The following COL9A1 variants were observed in gnomAD, a reference collection of about 807,000 sequenced individuals.
COL9A1 encodes collagen type IX alpha 1 chain.
In COL9A1, 104 loss-of-function variants were observed where a neutral mutation model predicts 142.6. The ratio of observed to expected loss-of-function variants is 0.73; its 90% confidence interval spans 0.62 to 0.86. COL9A1 has a LOEUF of 0.86. Among genes scored for constraint, COL9A1 ranks in the 40% least tolerant of loss-of-function variants. COL9A1 has a pLI of 0.00. For missense variants in COL9A1, 1,210 were observed against 1,176.6 expected (o/e 1.03, Z -0.42); for synonymous variants, 466 against 396.0 (o/e 1.18, Z -2.10).
intron 28 of COL9A1, among the ~76,000 whole-genome samples, chr6:70,245,075 C>G (rs1445631282): frequency 1.3e-5 from 2 of 152,224 alleles, no homozygotes; most frequent in African/African-American, 2.4e-5. Context: ...CTTGGCCATT[C>G]TAAATGCAGG....
chr6:70,281,593 C>T (rs932604305), intron 7 of COL9A1, 129 bp from the exon 8 acceptor site: 1 of 659,002 alleles, frequency 1.5e-6, no homozygotes, highest in Non-Finnish European at 2.6e-6. Flanking sequence ...GTTTTGCAAC[C>T]CAACGCAAAA....
At chr6:70,275,006 C>T in intron 10 of COL9A1, 1 of 537,662 alleles carries the variant, frequency 1.9e-6, no homozygotes, top group African/African-American at 1.9e-5. Flanking sequence ...TAACTTCCTG[C>T]TAACTGCATT....
chr6:70,274,632 C>T (rs1772631124), intron 11 of COL9A1, 87 bp downstream of exon 11: 2 of 1,103,296 alleles, frequency 1.8e-6, no homozygotes, highest in Admixed American at 1.7e-5. Flanking sequence ...TACTTCATAA[C>T]TTAATGTTAG....
At chr6:70,245,317 A>C (rs1464733901) in intron 28 of COL9A1, among the ~76,000 whole-genome samples, 1 of 152,180 alleles carries the variant, frequency 6.6e-6, no homozygotes, top group East Asian at 1.9e-4. Flanking sequence ...ACATAGACTA[A>C]ACACATTCCT....
intron 28 of COL9A1, among the ~76,000 whole-genome samples, chr6:70,248,918 T>A (rs1270506019): frequency 6.6e-6 from 1 of 152,148 alleles, no homozygotes; most frequent in African/African-American, 2.4e-5. Context: ...ATAATTGAAA[T>A]GTTTTCATGA....
At chr6:70,252,375 T>C (rs1158976961) in intron 26 of COL9A1, 60 bp from the exon 27 acceptor site, 95 of 1,463,190 alleles carry the variant, frequency 6.5e-5, no homozygotes, top group Non-Finnish European at 1.8e-5. Context: ...ATCATCAATC[T>C]GCCTTACCCA....
intron 17 of COL9A1, among the ~76,000 whole-genome samples, chr6:70,267,598 AGGCGTGAGCCACCGC>A: frequency 6.6e-6 from 1 of 152,290 alleles, no homozygotes; most frequent in African/African-American, 2.4e-5. Context: ...CTGGGATTAC[AGGCGTGAGCCACCGC>A]GCCCGGCCTA....
intron 37 of COL9A1, among the ~76,000 whole-genome samples, chr6:70,223,002 A>C (rs1768985852): frequency 6.6e-6 from 1 of 152,216 alleles, no homozygotes; most frequent in Non-Finnish European, 1.5e-5. Flanking sequence ...AAAAAGCAGT[A>C]TAGCCTCAGT....
Position 70,276,848 on chromosome 6 carries a change from G to A in COL9A1, c.976-2076C>T, listed in dbSNP as rs540032803. 5.3e-5 allele frequency among the ~76,000 whole-genome samples: 8 copies of A among 152,192 alleles called. No individual in the cohort carries two copies. The East Asian group carries it at 1.4e-3, about 26-fold the overall frequency. On this transcript the variant is annotated intron_variant, in intron 10 of 37. Coordinates refer to ENST00000357250, the MANE Select transcript of COL9A1 (RefSeq NM_001851.6). Reference sequence around the variant, plus strand: ...ACTACTTAGCAGCTGTGGAATCATGGGCAAGGTCCCTAACTGCACAGTGTT... The same window carrying A: ...ACTACTTAGCAGCTGTGGAATCATGAGCAAGGTCCCTAACTGCACAGTGTT...
In COL9A1 at chr6:70,281,416, C is replaced by G; in HGVS notation, c.850G>C (p.Gly284Arg). 6.2e-7 allele frequency: 1 copy of G among 1,613,656 alleles called. No homozygotes were observed. Among genetic ancestry groups the G allele is most frequent in the Non-Finnish European group, 8.5e-7 (1 of 1,179,884 alleles). ...TCGATGCCATCGATGCCTGGAACTC[C>G]AGGGGGGCCCGGAGGCCCGGGAGGA... The part of the protein sequence containing the change: ...QGPPGPPGPP[G>R]VPGIDGIDGD... Residue 284 changes from glycine (G) to arginine (R), a missense_variant, in exon 8 of 38, where the codon GGA (glycine) becomes CGA (arginine). Gly to Arg is a moderately radical substitution (Grantham distance 125, BLOSUM62 -2). Coordinates refer to ENST00000357250, the MANE Select transcript of COL9A1 (RefSeq NM_001851.6).
At chr6:70,289,364 A>G (rs1049725006) in intron 5 of COL9A1, among the ~76,000 whole-genome samples, 2 of 152,158 alleles carry the variant, frequency 1.3e-5, no homozygotes, top group Non-Finnish European at 2.9e-5. Flanking sequence ...TTAGTTTTCT[A>G]TTAAAAGAAA....
rs1169371758 is a variant in COL9A1 at position 70,234,871 on chromosome 6, G to A, written c.2182C>T (p.Pro728Ser). The A allele has an allele frequency of 6.2e-7, 1 of 1,614,128 alleles. No homozygotes were observed. The highest frequency in any genetic ancestry group is 8.5e-7 in the Non-Finnish European group (1 of 1,180,014). ...GSRGLPGVEGPRGPPGPRGVQ... is the reference protein window; with the variant it reads ...GSRGLPGVEGSRGPPGPRGVQ... The stretch of plus-strand genomic sequence containing the variant: ...CCCCGGGGTCCAGGTGGTCCTCTTG[G>A]TCCTTCCACTCCAGGAAGCCCCCGA... Residue 728 changes from proline to serine, a missense_variant, in exon 34 of 38, where the codon CCA becomes TCA. Physicochemically the swap from Pro to Ser is moderately conservative, Grantham distance 74. Transcript: ENST00000357250.
chr6:70,259,446 A>G (rs1041854039), intron 20 of COL9A1, among the ~76,000 whole-genome samples: 5 of 152,126 alleles, frequency 3.3e-5, no homozygotes, highest in Non-Finnish European at 5.9e-5. Flanking sequence ...TTTTCTTAAA[A>G]TCTGATAGAG....
Position 70,273,972 on chromosome 6 carries a change from T to A in COL9A1, c.1065+75A>T, listed in dbSNP as rs1033750704. 6.0e-5 allele frequency: 42 copies of A among 699,266 alleles called. No homozygotes were observed. In the African/African-American group the frequency reaches 6.3e-4, roughly 11 times the overall value. 43.3% of individuals were successfully genotyped at this position (699,266 alleles called of 1,614,324 possible). ...ATAAATAAATAAATAAATAAATAAA[T>A]AAAAAGATTTCACAATGGCAGAATT... On this transcript the variant is annotated intron_variant, in intron 12 of 37. Coordinates refer to ENST00000357250, the MANE Select transcript of COL9A1 (RefSeq NM_001851.6).
chr6:70,263,168 A>C, intron 19 of COL9A1, 76 bp downstream of exon 19: 1 of 1,227,790 alleles, frequency 8.1e-7, no homozygotes. Flanking sequence ...ACTGCTAAAT[A>C]GAAAATATTC....
In COL9A1 at chr6:70,274,667, A is replaced by C. The variant is rs1772633432; in HGVS notation, c.1029+52T>G. On this transcript the variant is annotated intron_variant, in intron 11 of 37. Transcript: ENST00000357250. ...GTTGGCTTGCAAACACTGCAATAAA[A>C]TTATACTTCAGCATTTTCGTACTAG... 4 of 1,448,572 alleles carry C rather than the reference A, an allele frequency of 2.8e-6. No homozygotes were observed. In the Admixed American group the frequency reaches 6.7e-5, roughly 24 times the overall value. 89.7% of individuals were successfully genotyped at this position (1,448,572 alleles called of 1,614,324 possible). A position where few individuals can be genotyped will look rare whatever the true frequency, so the allele number is the denominator to read the frequency against.
chr6:70,276,458 A>G (rs1405424157), intron 10 of COL9A1, among the ~76,000 whole-genome samples: 1 of 152,170 alleles, frequency 6.6e-6, no homozygotes, highest in Non-Finnish European at 1.5e-5. Context: ...CAGTAACTAT[A>G]AAGCAGAACC....
intron 36 of COL9A1, among the ~76,000 whole-genome samples, chr6:70,232,327 A>T (rs1307070369): frequency 6.6e-6 from 1 of 152,226 alleles, no homozygotes; most frequent in Non-Finnish European, 1.5e-5. Flanking sequence ...GAGGTAGAGT[A>T]TAATAGAAAA....
At chr6:70,227,862 A>T (rs926713980) in intron 36 of COL9A1, among the ~76,000 whole-genome samples, 6 of 152,130 alleles carry the variant, frequency 3.9e-5, no homozygotes, top group African/African-American at 1.4e-4. Context: ...CTCAGTGAAA[A>T]AGGCAAGTTC....
Sources: allele counts gnomAD v4.1 joint callset (sites outside exome capture counted in the v4.1 genomes callset), GRCh38; gene constraint gnomAD v4.1.1; transcripts MANE v1.5; gene names NCBI Gene and HGNC (gene_info 2026-07-23, HGNC 2026-07-21).